Variants in TNR observed in about 807,000 individuals in gnomAD.
The protein encoded by TNR is tenascin-R.
TNR carries 45 observed loss-of-function variants against 150.4 expected under a neutral mutation model. The ratio of observed to expected loss-of-function variants is 0.30; its 90% CI spans 0.24 to 0.38. The LOEUF (loss-of-function observed/expected upper bound fraction) is 0.38, where lower values mean the gene tolerates loss of function less well. Ranked by LOEUF, TNR falls within the 10% of genes least tolerant of loss-of-function variation. TNR has a pLI of 1.00. For missense variants in TNR, 1,544 were observed against 1,759.1 expected (o/e 0.88, Z 2.19); for synonymous variants, 687 against 678.4 (o/e 1.01, Z -0.20).
chr1:175,595,077 G>A (rs1662956489), intron 1 of TNR, among the ~76,000 whole-genome samples: 1 of 151,904 alleles, frequency 6.6e-6, no homozygotes, highest in Admixed American at 6.6e-5. Flanking sequence ...TGAGGCAGGA[G>A]AATTGCTTGA....
intron 1 of TNR, among the ~76,000 whole-genome samples, chr1:175,682,786 A>G (rs1239219799): frequency 1.3e-5 from 2 of 152,192 alleles, no homozygotes; most frequent in African/African-American, 2.4e-5. Flanking sequence ...TATGGTAATA[A>G]GAGGGGTGCA....
At chr1:175,573,681 G>C (rs553821048) in intron 1 of TNR, among the ~76,000 whole-genome samples, 9 of 152,368 alleles carry the variant, frequency 5.9e-5, no homozygotes, top group African/African-American at 2.2e-4. Flanking sequence ...CCGATTGTAT[G>C]TTGCAATCTG....
intron 1 of TNR, among the ~76,000 whole-genome samples, chr1:175,530,592 A>T (rs1660023834): frequency 6.6e-6 from 1 of 152,196 alleles, no homozygotes; most frequent in African/African-American, 2.4e-5. Flanking sequence ...TATAGTTTTT[A>T]ACTGAAATAC....
At position 175,602,203 on chromosome 1, in the gene TNR, C is replaced by CAAA. The variant is rs57341654; in HGVS notation, c.-164-73837_-164-73835dup. On this transcript the variant is annotated intron_variant, in intron 1 of 22. Transcript: ENST00000367674. ...CTGACTCTAATCCAAGGACCAAAGG[C>CAAA]AAAAAAAAAAAAAAAAAAAAAAAAA... 4.8e-3 allele frequency among the ~76,000 whole-genome samples: 147 copies of CAAA among 30,556 alleles called. 10 individuals are homozygous for CAAA. The highest frequency in any genetic ancestry group is 8.9e-3 in the Non-Finnish European group (125 of 14,032). The allele number at this position is 30,556 out of a possible 152,430, so 20.0% of individuals were successfully genotyped here.
At chr1:175,395,650 C>A (rs1278407601) in intron 5 of TNR, among the ~76,000 whole-genome samples, 12 of 152,190 alleles carry the variant, frequency 7.9e-5, no homozygotes. Context: ...GTGATGAGAA[C>A]TTCTCTTGCC....
At chr1:175,490,405 A>G (rs186488943) in intron 2 of TNR, among the ~76,000 whole-genome samples, 2,293 of 152,300 alleles carry the variant, frequency 0.015, 25 homozygotes, top group South Asian at 0.026. Context: ...CTTCTGCACA[A>G]CAAAAGAAAC....
At chr1:175,524,562 A>G (rs576194692) in intron 2 of TNR, among the ~76,000 whole-genome samples, 2 of 152,268 alleles carry the variant, frequency 1.3e-5, no homozygotes, top group African/African-American at 4.8e-5. Flanking sequence ...GAAGAGACCA[A>G]GGACTCATTG....
intron 1 of TNR, among the ~76,000 whole-genome samples, chr1:175,583,928 A>C (rs1662467128): frequency 6.6e-6 from 1 of 152,204 alleles, no homozygotes; most frequent in South Asian, 2.1e-4. Flanking sequence ...AGAATGACAC[A>C]CCAGAAGAGC....
chr1:175,716,000 A>T (rs999150803), intron 1 of TNR, among the ~76,000 whole-genome samples: 2 of 152,214 alleles, frequency 1.3e-5, no homozygotes, highest in Non-Finnish European at 2.9e-5. Flanking sequence ...AGTAGCAGGC[A>T]GCCAGGCCCA....
At chr1:175,373,747 G>GC (rs1652209132) in intron 9 of TNR, among the ~76,000 whole-genome samples, 1 of 122,496 alleles carries the variant, frequency 8.2e-6, no homozygotes, top group African/African-American at 3.2e-5. Context: ...TCCCTGCTGA[G>GC]GAGTGGAAGC....
chr1:175,657,167 C>T (rs2101893953), intron 1 of TNR, among the ~76,000 whole-genome samples: 1 of 152,158 alleles, frequency 6.6e-6, no homozygotes. Flanking sequence ...TCTGAGGTCC[C>T]CATCAAGATG....
At chr1:175,435,850 G>C (rs1476080529) in intron 2 of TNR, among the ~76,000 whole-genome samples, 3 of 152,168 alleles carry the variant, frequency 2.0e-5, no homozygotes, top group Non-Finnish European at 4.4e-5. Flanking sequence ...CAAAATCTCT[G>C]AGCATTTGCT....
intron 2 of TNR, among the ~76,000 whole-genome samples, chr1:175,504,035 G>A (rs776801990): frequency 9.2e-5 from 14 of 152,212 alleles, no homozygotes; most frequent in African/African-American, 3.4e-4. Flanking sequence ...ACCGCGGGGT[G>A]TACGAAGAAG....
chr1:175,535,444 TTTTTTGTTG>T (rs1557992142), intron 1 of TNR, among the ~76,000 whole-genome samples: 1 of 98,842 alleles, frequency 1.0e-5, no homozygotes, highest in Non-Finnish European at 2.2e-5. Context: ...TATTTATTTA[TTTTTTGTTG>T]TTGTTGTTGT....
chr1:175,628,488 C>T (rs905994177), intron 1 of TNR, among the ~76,000 whole-genome samples: 6 of 151,202 alleles, frequency 4.0e-5, no homozygotes, highest in Admixed American at 6.6e-5. Context: ...ACATTGTGCA[C>T]GTGTACCCTA....
In TNR at chr1:175,386,194, C is replaced by T; in HGVS notation, c.1615G>A (p.Gly539Ser). 1 of 1,610,990 alleles carries T rather than the reference C, an allele frequency of 6.2e-7. No homozygotes were observed. The highest frequency in any genetic ancestry group is 1.3e-5 in the African/African-American group (1 of 74,924). The change falls in exon 8 of 23, where the codon GGC becomes AGC. Residue 539 changes from glycine (G) to serine (S), a missense_variant. Physicochemically the swap from Gly to Ser is moderately conservative, Grantham distance 56. Around this residue, in one of 2 missense-constraint regions of TNR, gnomAD observed 1,254 missense variants for 1,329.4 expected, o/e 0.94. Transcript: ENST00000367674. ...AKVDFILLKYGLVGGEGGRTT... is the reference protein window; with the variant it reads ...AKVDFILLKYSLVGGEGGRTT... ...CTCCCACCTTCCCCGCCCACCAGGC[C>T]ATATTTCAAAAGAATGAAATCGACT...
intron 2 of TNR, among the ~76,000 whole-genome samples, chr1:175,504,356 G>A (rs1571533266): frequency 6.6e-6 from 1 of 152,068 alleles, no homozygotes; most frequent in Non-Finnish European, 1.5e-5. Context: ...GGACACTGAG[G>A]CTTCAAGAGG....
chr1:175,737,054 T>C (rs1240224271), intron 1 of TNR, among the ~76,000 whole-genome samples: 3 of 151,822 alleles, frequency 2.0e-5, no homozygotes, highest in Admixed American at 6.6e-5. Context: ...AAAACAAAAA[T>C]AACAACAACA....
At chr1:175,361,753 A>C (rs1222258692) in intron 14 of TNR, among the ~76,000 whole-genome samples, 3 of 152,166 alleles carry the variant, frequency 2.0e-5, no homozygotes, top group African/African-American at 4.8e-5. Context: ...TGTGGGAATG[A>C]TGGCTTAACT....
Sources: gnomAD v4.1 joint callset for allele counts (sites outside exome capture counted in the v4.1 genomes callset) on GRCh38, gnomAD v4.1.1 for gene constraint, gnomAD v4.1.1 regional missense constraint, MANE v1.5 for transcripts, NCBI Gene and HGNC (gene_info 2026-07-23, HGNC 2026-07-21) for gene names.